The following PTK2 variants were observed in gnomAD, a reference collection of about 807,000 sequenced individuals.
The protein encoded by PTK2 is focal adhesion kinase 1.
PTK2 carries 45 observed loss-of-function variants against 150.1 expected under a neutral mutation model. The observed-to-expected ratio is 0.30, with a 90% CI of 0.24 to 0.38. The LOEUF (loss-of-function observed/expected upper bound fraction) is 0.38. Among genes scored for constraint, PTK2 ranks in the 10% least tolerant of loss-of-function variants. The pLI, the probability that PTK2 is intolerant of heterozygous loss-of-function variation, is 1.00. For missense variants in PTK2, 919 were observed against 1,307.3 expected (o/e 0.70, Z 4.58); for synonymous variants, 432 against 449.2 (o/e 0.96, Z 0.48).
At chr8:140,828,645 A>G (rs2100113406) in intron 8 of PTK2, among the ~76,000 whole-genome samples, 2 of 152,170 alleles carry the variant, frequency 1.3e-5, no homozygotes, top group African/African-American at 4.8e-5. Context: ...ATCCAACAGC[A>G]ATGTAAATTC....
chr8:140,721,170 C>T (rs1379503589), intron 22 of PTK2, among the ~76,000 whole-genome samples: 2 of 152,080 alleles, frequency 1.3e-5, no homozygotes, highest in Admixed American at 1.3e-4. Context: ...CAGGCTTACA[C>T]CATATGCCTG....
chr8:140,786,742 T>A (rs149589639), intron 14 of PTK2, among the ~76,000 whole-genome samples: 1 of 152,264 alleles, frequency 6.6e-6, no homozygotes, highest in Non-Finnish European at 1.5e-5. Flanking sequence ...GAACAATTAA[T>A]GCCATGTCAT....
exon 9 of PTK2, chr8:140,819,001 A>C: frequency 6.2e-7 from 1 of 1,613,204 alleles, no homozygotes; most frequent in South Asian, 1.1e-5. Flanking sequence ...TTGTTGGATC[A>C]GTTTTCTTAG....
chr8:140,820,122 T>C (rs1030777493), intron 8 of PTK2, among the ~76,000 whole-genome samples: 3 of 113,254 alleles, frequency 2.6e-5, no homozygotes, highest in Admixed American at 9.9e-5. Flanking sequence ...TTTTTTTAAA[T>C]AGGGTCTCAC....
At chr8:140,946,277 A>G (rs143033945) in intron 1 of PTK2, among the ~76,000 whole-genome samples, 1 of 152,350 alleles carries the variant, frequency 6.6e-6, no homozygotes, top group Non-Finnish European at 1.5e-5. Context: ...TGAACAAGAA[A>G]TGCAACCATA....
chr8:140,662,698 T>C, intron 31 of PTK2: 1 of 593,380 alleles, frequency 1.7e-6, no homozygotes, highest in Non-Finnish European at 3.2e-6. Flanking sequence ...GAAGTCAATG[T>C]CCAGTTGGTC....
At chr8:140,803,966 C>T (rs944362152) in intron 10 of PTK2, among the ~76,000 whole-genome samples, 2 of 152,136 alleles carry the variant, frequency 1.3e-5, no homozygotes, top group Non-Finnish European at 2.9e-5. Context: ...CAACCTTTGG[C>T]CTGACTCGTT....
chr8:140,911,691 T>C (rs1461781932), intron 2 of PTK2, among the ~76,000 whole-genome samples: 1 of 152,120 alleles, frequency 6.6e-6, no homozygotes, highest in African/African-American at 2.4e-5. Flanking sequence ...CATGTCCCTT[T>C]CTAATTAATA....
At position 140,928,105 on chromosome 8, in the gene PTK2, T is replaced by C. The variant is rs531776779; in HGVS notation, c.-121-2356A>G. On this transcript the variant is annotated intron_variant, in intron 1 of 31. Coordinates refer to ENST00000522684, the Ensembl canonical transcript of PTK2. The stretch of plus-strand genomic sequence containing the variant: ...TTTCTTCTTTCCAAACGGAGCTACA[T>C]AGTAGTTGGCCTTTTTTGTCAATTT... 2.6e-5 allele frequency among the ~76,000 whole-genome samples: 4 copies of C among 151,016 alleles called. No homozygotes were observed. The East Asian group carries it at 5.8e-4, about 22-fold the overall frequency.
At chr8:140,708,939 C>T (rs147260901) in intron 23 of PTK2, among the ~76,000 whole-genome samples, 30 of 144,202 alleles carry the variant, frequency 2.1e-4, no homozygotes, top group African/African-American at 7.4e-4. Context: ...CTGACAGTTG[C>T]ACAGTGATGT....
At chr8:140,948,084 T>C (rs1408166860) in intron 1 of PTK2, among the ~76,000 whole-genome samples, 1 of 152,084 alleles carries the variant, frequency 6.6e-6, no homozygotes, top group Non-Finnish European at 1.5e-5. Flanking sequence ...CTCCGAAAAG[T>C]AGCTAGTCCT....
intron 31 of PTK2, chr8:140,662,846 C>A (rs1428952455): frequency 6.6e-6 from 3 of 451,978 alleles, no homozygotes; most frequent in Non-Finnish European, 8.0e-6. Flanking sequence ...TAGGATATCC[C>A]TCAATCCAAC....
chr8:140,996,744 G>C (rs2100197927), intron 1 of PTK2, among the ~76,000 whole-genome samples: 1 of 152,226 alleles, frequency 6.6e-6, no homozygotes, highest in Non-Finnish European at 1.5e-5. Flanking sequence ...CTCAGAAAAA[G>C]ATTCCTATCA....
chr8:140,929,749 C>T (rs986244457), intron 1 of PTK2, among the ~76,000 whole-genome samples: 2 of 132,444 alleles, frequency 1.5e-5, no homozygotes, highest in African/African-American at 2.5e-5. Flanking sequence ...AGATATGTGA[C>T]CCTGGCACTT....
intron 23 of PTK2, among the ~76,000 whole-genome samples, chr8:140,716,952 A>G (rs753836878): frequency 3.9e-5 from 6 of 152,220 alleles, no homozygotes; most frequent in Non-Finnish European, 5.9e-5. Context: ...ACCCCCAGCC[A>G]TGGCATGGCC....
intron 29 of PTK2, 100 bp downstream of exon 32, chr8:140,674,198 C>T (rs1472894985): frequency 2.5e-6 from 3 of 1,217,998 alleles, no homozygotes; most frequent in African/African-American, 1.5e-5. Context: ...GTTCTATTTT[C>T]AGCACCAACT....
intron 8 of PTK2, among the ~76,000 whole-genome samples, chr8:140,824,944 C>T (rs940884799): frequency 1.3e-5 from 2 of 152,074 alleles, no homozygotes; most frequent in African/African-American, 4.8e-5. Flanking sequence ...TAGGATGAAC[C>T]ATAAGAAACT....
At chr8:140,885,263 C>A (rs1330759489) in intron 3 of PTK2, among the ~76,000 whole-genome samples, 3 of 152,174 alleles carry the variant, frequency 2.0e-5, no homozygotes, top group Admixed American at 1.3e-4. Flanking sequence ...AGGCTTTCTA[C>A]TTCTGTGGTC....
chr8:140,883,455 T>C (rs931813454), intron 3 of PTK2, among the ~76,000 whole-genome samples: 3 of 152,196 alleles, frequency 2.0e-5, no homozygotes, highest in Non-Finnish European at 4.4e-5. Context: ...GCAACACACA[T>C]TGTTGACACT....
Sources: gnomAD v4.1 joint callset for allele counts (sites outside exome capture counted in the v4.1 genomes callset) on GRCh38, gnomAD v4.1.1 for gene constraint, MANE v1.5 for transcripts, NCBI Gene and HGNC (gene_info 2026-07-23, HGNC 2026-07-21) for gene names.